The following TRIQK variants were observed in gnomAD, a reference collection of about 807,000 sequenced individuals.
TRIQK encodes triple QxxK/R motif containing, also known as triple QxxK/R motif-containing protein.
A neutral mutation model predicts 10.8 loss-of-function variants in TRIQK; 10 were observed. The ratio of observed to expected loss-of-function variants is 0.92; its 90% CI spans 0.57 to 1.57. The LOEUF is 1.57. Ranked by LOEUF, TRIQK falls within the 40% of genes most tolerant of loss-of-function variation. The probability of loss-of-function intolerance (pLI) is 0.00; values close to 1 mark genes in which losing one functional copy is unlikely to be tolerated. For synonymous variants in TRIQK, 33 were observed against 33.7 expected (o/e 0.98, Z 0.07); for missense variants, 107 against 97.7 (o/e 1.09, Z -0.40).
intron 1 of TRIQK, among the ~76,000 whole-genome samples, chr8:92,976,384 A>T (rs1207805743): frequency 6.6e-6 from 1 of 152,030 alleles, no homozygotes; most frequent in African/African-American, 2.4e-5. Flanking sequence ...CATCATTATG[A>T]AATGACATTT....
chr8:93,004,639 A>T (rs1813249826), intron 1 of TRIQK, among the ~76,000 whole-genome samples: 1 of 152,134 alleles, frequency 6.6e-6, no homozygotes, highest in Admixed American at 6.6e-5. Flanking sequence ...TTTTCAATAT[A>T]AGTTCTTGTT....
In TRIQK at chr8:92,886,697, T is replaced by C. The variant is rs372484654; in HGVS notation, c.186A>G (p.Leu62=). 12 of 1,532,670 alleles carry C rather than the reference T, an allele frequency of 7.8e-6. No homozygotes were observed. The African/African-American group carries it at 1.4e-4, about 18-fold the overall frequency. The allele number at this position is 1,532,670 out of a possible 1,614,324, so 94.9% of individuals were successfully genotyped here. The change falls in exon 5 of 5, where the codon CTA becomes CTG. Residue 62 remains leucine (L), a synonymous_variant. Coordinates refer to ENST00000521988, the MANE Select transcript of TRIQK (RefSeq NM_001171797.2). ...GLVLAAILAL[L]LAFYAFFYLR... is the part of the protein sequence containing the mutation. ...GATAAAAGAAAGCATAGAAAGCCAG[T>C]AGTAGTGCCAATATAGCTGCAAGTA... is the stretch of plus-strand genomic sequence containing the variant.
At position 92,883,616 on chromosome 8, in the gene TRIQK, A is replaced by G. The variant is rs1290390430; in HGVS notation, c.*3006T>C. On this transcript the variant is annotated 3_prime_UTR_variant, in exon 5 of 5. Transcript: ENST00000521988. ...CAAAGAAACTGTGACAGACTCTGAGAGGACTAAAAGGCATCAACTTAAATT... is the reference window on the plus strand; with the variant it reads ...CAAAGAAACTGTGACAGACTCTGAGGGGACTAAAAGGCATCAACTTAAATT... 1 of 151,740 alleles carries G rather than the reference A, an allele frequency of 6.6e-6. No homozygotes were observed. The highest frequency in any genetic ancestry group is 1.5e-5 in the Non-Finnish European group (1 of 67,798). 9.4% of individuals were successfully genotyped at this position (151,740 alleles called of 1,614,324 possible).
In TRIQK at chr8:92,996,178, T is replaced by C. The variant is rs76943700; in HGVS notation, c.-181+21431A>G. Among the ~76,000 whole-genome samples the C allele has an allele frequency of 1.8e-3, 268 of 152,174 alleles. 1 individual carries two copies. Among genetic ancestry groups the C allele is most frequent in the African/African-American group, 6.2e-3 (257 of 41,570 alleles). Reference sequence around the variant, plus strand: ...GTACTTGGAATTAAATCTAAACTCTTTTTTGTGGTCTGCAAGATTTGCATA... The same window carrying C: ...GTACTTGGAATTAAATCTAAACTCTCTTTTGTGGTCTGCAAGATTTGCATA... On this transcript the variant is annotated intron_variant, in intron 1 of 4. Transcript: ENST00000520686.
At chr8:93,010,034 T>C (rs549507083) in intron 1 of TRIQK, among the ~76,000 whole-genome samples, 7 of 152,226 alleles carry the variant, frequency 4.6e-5, no homozygotes, top group African/African-American at 1.7e-4. Flanking sequence ...AGAAATACCA[T>C]ATAATCACAC....
chr8:93,011,114 T>C (rs1315838270), intron 1 of TRIQK, among the ~76,000 whole-genome samples: 2 of 151,900 alleles, frequency 1.3e-5, no homozygotes, highest in Admixed American at 6.6e-5. Context: ...TATAGGATTC[T>C]GAGTGTCACA....
At chr8:92,905,471 A>T (rs955567836) in intron 3 of TRIQK, among the ~76,000 whole-genome samples, 1 of 152,200 alleles carries the variant, frequency 6.6e-6, no homozygotes, top group African/African-American at 2.4e-5. Context: ...AATCCCTCGG[A>T]AAGATGGAGG....
intron 2 of TRIQK, among the ~76,000 whole-genome samples, chr8:92,928,545 A>G (rs1586440983): frequency 6.6e-6 from 1 of 152,208 alleles, no homozygotes; most frequent in African/African-American, 2.4e-5. Context: ...TAGGGGCTAA[A>G]GTATATGGAT....
At chr8:92,980,219 G>A (rs998122904) in intron 1 of TRIQK, among the ~76,000 whole-genome samples, 1 of 151,918 alleles carries the variant, frequency 6.6e-6, no homozygotes, top group Non-Finnish European at 1.5e-5. Context: ...ATGTTTCATT[G>A]TTAATATATA....
At chr8:92,913,573 G>T (rs1413929460) in intron 3 of TRIQK, among the ~76,000 whole-genome samples, 3 of 152,108 alleles carry the variant, frequency 2.0e-5, no homozygotes, top group African/African-American at 7.2e-5. Flanking sequence ...ATTCCTCAAG[G>T]ATCTAGAACC....
intron 1 of TRIQK, among the ~76,000 whole-genome samples, chr8:92,984,313 G>T (rs1813011945): frequency 6.6e-6 from 1 of 152,002 alleles, no homozygotes; most frequent in Admixed American, 6.6e-5. Flanking sequence ...GTCCAAATAG[G>T]TTATGATATA....
At chr8:92,976,360 TTAAC>T (rs759970311) in intron 1 of TRIQK, among the ~76,000 whole-genome samples, 233 of 152,166 alleles carry the variant, frequency 1.5e-3, no homozygotes, top group Non-Finnish European at 2.8e-3. Flanking sequence ...TCCTCTAAGA[TTAAC>T]TGACTCCTTC....
intron 2 of TRIQK, among the ~76,000 whole-genome samples, chr8:92,925,416 T>C (rs1394307555): frequency 6.6e-6 from 1 of 152,150 alleles, no homozygotes; most frequent in Non-Finnish European, 1.5e-5. Context: ...AAATTAATAT[T>C]TGCTTATCAA....
chr8:92,966,369 T>G (rs1251846277), upstream of TRIQK, among the ~76,000 whole-genome samples: 1 of 152,234 alleles, frequency 6.6e-6, no homozygotes, highest in Non-Finnish European at 1.5e-5. Context: ...GAAAAATATG[T>G]TATTTTGATT....
chr8:92,991,869 CAG>C (rs750708918), intron 1 of TRIQK, among the ~76,000 whole-genome samples: 4 of 152,196 alleles, frequency 2.6e-5, no homozygotes, highest in Admixed American at 6.5e-5. Flanking sequence ...GATAGACAAA[CAG>C]AGAGCCAAAC....
chr8:92,885,901 A>G lies in TRIQK; in HGVS notation c.*721T>C, dbSNP rs1178886395. ...AAGCAGCCAGAACAACATAATTAGA[A>G]TAGAATTCCAAGGTTATATTAATAG... On this transcript the variant is annotated 3_prime_UTR_variant, in exon 5 of 5. Transcript: ENST00000521988. 1 of 151,724 alleles carries G rather than the reference A, an allele frequency of 6.6e-6. No homozygotes were observed. The highest frequency in any genetic ancestry group is 1.5e-5 in the Non-Finnish European group (1 of 67,782). The allele number at this position is 151,724 out of a possible 1,614,324, so 9.4% of individuals were successfully genotyped here. A position where few individuals can be genotyped will look rare whatever the true frequency, so the allele number is the denominator to read the frequency against.
intron 1 of TRIQK, among the ~76,000 whole-genome samples, chr8:93,011,826 T>C (rs1278547360): frequency 2.6e-5 from 4 of 152,180 alleles, no homozygotes; most frequent in Admixed American, 1.3e-4. Context: ...TTAGGAAACC[T>C]GATCCAAGTA....
intron 3 of TRIQK, among the ~76,000 whole-genome samples, chr8:92,896,040 G>C (rs1215603708): frequency 6.6e-6 from 1 of 152,088 alleles, no homozygotes; most frequent in Non-Finnish European, 1.5e-5. Context: ...ATGAGAGAAA[G>C]ACCTCAAAGA....
In TRIQK at chr8:92,884,259, T is replaced by G. The variant is rs772859693; in HGVS notation, c.*2363A>C. ...GCAGGCCGGATATCACCTTTCTGTC[T>G]TCAAAGATTCAAACCAGACTCCCAA... On this transcript the variant is annotated 3_prime_UTR_variant, in exon 5 of 5. Coordinates refer to ENST00000521988, the MANE Select transcript of TRIQK (RefSeq NM_001171797.2). 2.0e-5 allele frequency: 3 copies of G among 153,084 alleles called. No individual in the cohort carries two copies. The highest frequency in any genetic ancestry group is 4.4e-5 in the Non-Finnish European group (3 of 68,802). 9.5% of individuals were successfully genotyped at this position (153,084 alleles called of 1,614,324 possible).
Sources: allele counts gnomAD v4.1 joint callset (sites outside exome capture counted in the v4.1 genomes callset), GRCh38; gene constraint gnomAD v4.1.1; transcripts MANE v1.5; gene names NCBI Gene and HGNC (gene_info 2026-07-23, HGNC 2026-07-21).